Variants in FGGY observed in about 807,000 individuals in gnomAD.
FGGY encodes the protein FGGY carbohydrate kinase domain-containing protein.
Under a neutral mutation model 71.3 loss-of-function variants are expected in FGGY, and 72 were observed. The observed-to-expected ratio is 1.01, with a 90% CI of 0.84 to 1.23. The LOEUF is 1.23. FGGY is among the 50% of genes most tolerant of loss of function. The probability of loss-of-function intolerance (pLI) is 0.00; values close to 1 mark genes in which losing one functional copy is unlikely to be tolerated. For missense variants in FGGY, 668 were observed against 682.3 expected, an observed-to-expected ratio of 0.98 and a Z score of 0.23; for synonymous variants, 251 against 250.3, an observed-to-expected ratio of 1.00 and a Z score of -0.02.
chr1:59,711,560 C>CTG (rs1356727738), intron 14 of FGGY, among the ~76,000 whole-genome samples: 1 of 152,176 alleles, frequency 6.6e-6, no homozygotes, highest in Non-Finnish European at 1.5e-5. Context: ...CATTTTCATG[C>CTG]TGCTAATAAA....
chr1:59,495,322 G>A (rs2093998247), intron 6 of FGGY, among the ~76,000 whole-genome samples: 1 of 151,890 alleles, frequency 6.6e-6, no homozygotes, highest in Admixed American at 6.6e-5. Flanking sequence ...CTGTGTGGAA[G>A]CTTTTTAGTT....
At chr1:59,632,454 T>C (rs1003565325) in intron 10 of FGGY, among the ~76,000 whole-genome samples, 1 of 152,214 alleles carries the variant, frequency 6.6e-6, no homozygotes, top group Non-Finnish European at 1.5e-5. Context: ...CTCAAACTTC[T>C]TTTGCTTTTG....
chr1:59,667,781 C>T (rs557754575), intron 13 of FGGY, among the ~76,000 whole-genome samples: 2 of 152,284 alleles, frequency 1.3e-5, no homozygotes, highest in East Asian at 3.9e-4. Flanking sequence ...CACCCAGGAA[C>T]TCACAGTCTA....
At chr1:59,586,634 G>A (rs899570767) in intron 8 of FGGY, among the ~76,000 whole-genome samples, 5 of 152,064 alleles carry the variant, frequency 3.3e-5, no homozygotes, top group Non-Finnish European at 7.4e-5. Flanking sequence ...TTGTGCACAT[G>A]TACCCTAAAA....
chr1:59,533,417 C>T (rs1355134663), intron 7 of FGGY, among the ~76,000 whole-genome samples: 5 of 152,232 alleles, frequency 3.3e-5, no homozygotes, highest in African/African-American at 7.2e-5. Context: ...TGCAGCGAGG[C>T]TGGGGGAGGG....
intron 5 of FGGY, among the ~76,000 whole-genome samples, chr1:59,428,967 A>T (rs2066867810): frequency 6.6e-6 from 1 of 152,054 alleles, no homozygotes; most frequent in African/African-American, 2.4e-5. Context: ...AAGGAAGGAA[A>T]CCTTACCATT....
intron 14 of FGGY, among the ~76,000 whole-genome samples, chr1:59,685,470 T>C (rs896660102): frequency 6.6e-6 from 1 of 152,062 alleles, no homozygotes; most frequent in African/African-American, 2.4e-5. Flanking sequence ...AGTGACTAAA[T>C]AGTTACTGGA....
chr1:59,655,566 G>A (rs1447243318), intron 11 of FGGY, among the ~76,000 whole-genome samples: 1 of 151,998 alleles, frequency 6.6e-6, no homozygotes, highest in Non-Finnish European at 1.5e-5. Flanking sequence ...GAGGATGATG[G>A]TTTCCAGATT....
chr1:59,343,206 T>C (rs1378495833), intron 3 of FGGY, among the ~76,000 whole-genome samples: 17 of 152,184 alleles, frequency 1.1e-4, no homozygotes, highest in Non-Finnish European at 1.5e-5. Flanking sequence ...ACACATTCTG[T>C]GAACATAAAC....
chr1:59,754,251 A>G (rs2098271530), intron 14 of FGGY, among the ~76,000 whole-genome samples: 1 of 151,964 alleles, frequency 6.6e-6, no homozygotes, highest in Non-Finnish European at 1.5e-5. Flanking sequence ...CATAAGGCAC[A>G]TCATAGATTT....
intron 6 of FGGY, among the ~76,000 whole-genome samples, chr1:59,475,176 ACCTTTT>A (rs2093199543): frequency 1.3e-5 from 2 of 152,062 alleles, no homozygotes; most frequent in African/African-American, 4.8e-5. Context: ...GATTCACACA[ACCTTTT>A]TCCAACCAAG....
chr1:59,473,179 G>A (rs2093066112), intron 6 of FGGY, among the ~76,000 whole-genome samples: 1 of 152,108 alleles, frequency 6.6e-6, no homozygotes. Flanking sequence ...TTGCCTTTAT[G>A]AGCTGTAACA....
Position 59,694,881 on chromosome 1 carries a change from A to C in FGGY, c.1512+20748A>C, listed in dbSNP as rs937259537. On this transcript the variant is annotated intron_variant, in intron 14 of 15. Coordinates refer to ENST00000303721, the MANE Select transcript of FGGY (RefSeq NM_018291.5). ...TTAAGACTTTAAAATGTAAACATGCATTGTGAATCTCCCAGGTTGGATAGG... is the reference window on the plus strand; with the variant it reads ...TTAAGACTTTAAAATGTAAACATGCCTTGTGAATCTCCCAGGTTGGATAGG... Among the ~76,000 whole-genome samples, 3 of 152,332 alleles carry C rather than the reference A, an allele frequency of 2.0e-5. No individual in the cohort carries two copies. The East Asian group carries it at 5.8e-4, about 29-fold the overall frequency.
chr1:59,730,102 T>G (rs2098006661), intron 14 of FGGY, among the ~76,000 whole-genome samples: 1 of 152,124 alleles, frequency 6.6e-6, no homozygotes, highest in East Asian at 1.9e-4. Flanking sequence ...CGCTTTCCTA[T>G]TAGTCCACAC....
chr1:59,707,628 C>T, intron 14 of FGGY, among the ~76,000 whole-genome samples: 1 of 152,186 alleles, frequency 6.6e-6, no homozygotes, highest in East Asian at 1.9e-4. Context: ...GTCACAACAG[C>T]CCACTGTATT....
intron 6 of FGGY, among the ~76,000 whole-genome samples, chr1:59,494,113 C>A (rs367770490): frequency 6.6e-6 from 1 of 152,106 alleles, no homozygotes; most frequent in South Asian, 2.1e-4. Context: ...ATTAGAACAC[C>A]TTTTTCATTC....
At chr1:59,729,084 A>G (rs2097989753) in intron 14 of FGGY, among the ~76,000 whole-genome samples, 1 of 151,818 alleles carries the variant, frequency 6.6e-6, no homozygotes, top group Admixed American at 6.6e-5. Context: ...TTCTTTTTGC[A>G]TATCAGTTTG....
Position 59,533,698 on chromosome 1 carries a change from C to T in FGGY, c.800-20426C>T, listed in dbSNP as rs560583816. Among the ~76,000 whole-genome samples the T allele has an allele frequency of 1.7e-4, 25 of 146,246 alleles. 1 individual carries two copies. In the Middle Eastern group the frequency reaches 0.01, roughly 61 times the overall value. On this transcript the variant is annotated intron_variant, in intron 7 of 15. Transcript: ENST00000303721. ...AAGTGGGTCCCTGACCCCTGAACCC[C>T]GAGCAGCCTAACTGAGAGGCACCCC...
At chr1:59,418,525 T>C (rs888010462) in intron 5 of FGGY, among the ~76,000 whole-genome samples, 4 of 151,956 alleles carry the variant, frequency 2.6e-5, no homozygotes, top group Admixed American at 2.0e-4. Context: ...GCATAGGCGA[T>C]GAGGCAAGTG....
Sources: allele counts gnomAD v4.1 joint callset (sites outside exome capture counted in the v4.1 genomes callset), GRCh38; gene constraint gnomAD v4.1.1; transcripts MANE v1.5; gene names NCBI Gene and HGNC (gene_info 2026-07-23, HGNC 2026-07-21).